Variants in NBAS observed in about 807,000 individuals in gnomAD.
NBAS encodes the protein NBAS subunit of NRZ tethering complex.
In NBAS, 219 loss-of-function variants were observed where a neutral mutation model predicts 302.5. That is an observed-to-expected ratio of 0.72 (90% CI 0.65 to 0.81). NBAS has a LOEUF of 0.81. Ranked by LOEUF, NBAS falls within the 30% of genes least tolerant of loss-of-function variation. The pLI, the probability that NBAS is intolerant of heterozygous loss-of-function variation, is 0.00. For synonymous variants in NBAS, 1,118 were observed against 1,021.6 expected (o/e 1.09, Z -1.80); for missense variants, 2,932 against 2,841.6 (o/e 1.03, Z -0.72).
chr2:15,001,817 G>A, the NBAS span, among the ~76,000 whole-genome samples: 2 of 151,988 alleles, frequency 1.3e-5, no homozygotes, highest in South Asian at 4.2e-4. Context: ...GCAGACCTTC[G>A]CGGTGAGTGT....
the NBAS span, among the ~76,000 whole-genome samples, chr2:15,071,141 C>A: frequency 6.6e-6 from 1 of 152,180 alleles, no homozygotes; most frequent in South Asian, 2.1e-4. Flanking sequence ...GCCTATGTTC[C>A]CAACCCAGGG....
the NBAS span, among the ~76,000 whole-genome samples, chr2:14,905,952 C>T: frequency 4.6e-5 from 7 of 152,344 alleles, no homozygotes; most frequent in Non-Finnish European, 7.3e-5. Context: ...CAGTCAGCTG[C>T]ATACACTGAT....
chr2:15,398,534 G>T (rs887823656), intron 26 of NBAS, among the ~76,000 whole-genome samples: 5 of 152,054 alleles, frequency 3.3e-5, no homozygotes, highest in Non-Finnish European at 5.9e-5. Flanking sequence ...TGACATTCAC[G>T]AACACAATGA....
chr2:15,353,142 C>T (rs1673447106), intron 34 of NBAS, among the ~76,000 whole-genome samples: 2 of 151,964 alleles, frequency 1.3e-5, no homozygotes, highest in South Asian at 4.1e-4. Context: ...AATTTAGCAT[C>T]CCCCCCAACC....
At chr2:15,125,138 G>C in the NBAS span, among the ~76,000 whole-genome samples, 3 of 152,212 alleles carry the variant, frequency 2.0e-5, no homozygotes, top group African/African-American at 7.2e-5. Flanking sequence ...CCACAGGATG[G>C]AGCCACCCAA....
the NBAS span, among the ~76,000 whole-genome samples, chr2:14,805,493 T>C: frequency 2.0e-5 from 3 of 152,188 alleles, no homozygotes; most frequent in Non-Finnish European, 4.4e-5. Flanking sequence ...GTTAGTGATA[T>C]GGCCTATCTT....
the NBAS span, among the ~76,000 whole-genome samples, chr2:14,929,905 GC>G: frequency 2.6e-5 from 4 of 152,114 alleles, no homozygotes; most frequent in Admixed American, 6.5e-5. Context: ...GATCATGGGG[GC>G]AGATTTCCCC....
intron 49 of NBAS, among the ~76,000 whole-genome samples, chr2:15,189,168 A>G (rs1665225557): frequency 6.6e-6 from 1 of 152,224 alleles, no homozygotes; most frequent in African/African-American, 2.4e-5. Context: ...TAGTGAAGGT[A>G]AAAACCTGTT....
chr2:15,523,930 T>TAAAC (rs368893692), intron 9 of NBAS, among the ~76,000 whole-genome samples: 74 of 151,984 alleles, frequency 4.9e-4, no homozygotes, highest in African/African-American at 1.7e-3. Context: ...AATAAATAAA[T>TAAAC]AAACAAACAA....
At chr2:15,374,923 C>G (rs1242783290) in intron 30 of NBAS, among the ~76,000 whole-genome samples, 2 of 152,114 alleles carry the variant, frequency 1.3e-5, no homozygotes, top group Admixed American at 6.5e-5. Flanking sequence ...TTTCAGGGAG[C>G]TAAAACTGAA....
the NBAS span, among the ~76,000 whole-genome samples, chr2:14,967,265 T>C: frequency 1.3e-5 from 2 of 152,078 alleles, no homozygotes; most frequent in South Asian, 4.1e-4. Flanking sequence ...ATCAAACTAC[T>C]AGCAGAATTT....
In NBAS at chr2:15,341,242, C is replaced by T. The variant is rs75790198; in HGVS notation, c.4180-10477G>A. Among the ~76,000 whole-genome samples the T allele has an allele frequency of 8.6e-3, 1,300 of 152,026 alleles. 20 individuals carry two copies. Among genetic ancestry groups the T allele is most frequent in the East Asian group, 0.059 (305 of 5,174 alleles). On this transcript the variant is annotated intron_variant, in intron 35 of 51. Coordinates refer to ENST00000281513, the MANE Select transcript of NBAS (RefSeq NM_015909.4). ...CTCTATTAAAAATATAAAAATTAAC[C>T]GGGTATGGTGGCACACACCTTTAAT... is the stretch of plus-strand genomic sequence containing the variant.
the NBAS span, among the ~76,000 whole-genome samples, chr2:14,921,993 G>T: frequency 6.6e-6 from 1 of 152,108 alleles, no homozygotes; most frequent in African/African-American, 2.4e-5. Flanking sequence ...TCTACCACAT[G>T]CCAGGAACCC....
the NBAS span, among the ~76,000 whole-genome samples, chr2:14,856,179 T>G: frequency 6.6e-6 from 1 of 152,144 alleles, no homozygotes; most frequent in African/African-American, 2.4e-5. Flanking sequence ...TTCTCCCAGA[T>G]CTTGTCCAAG....
chr2:15,417,465 T>A, intron 24 of NBAS, 62 bp downstream of exon 24: 1 of 1,373,986 alleles, frequency 7.3e-7, no homozygotes, highest in Non-Finnish European at 1.0e-6. Flanking sequence ...GAGACACATA[T>A]GTATCAAAGT....
the NBAS span, among the ~76,000 whole-genome samples, chr2:15,034,209 GGAAA>G: frequency 9.1e-3 from 142 of 15,582 alleles, 1 homozygote; most frequent in East Asian, 0.077. Context: ...GAGAAGGAAA[GGAAA>G]GAAAGAGAGG....
chr2:15,266,927 A>C (rs1187106682), intron 44 of NBAS, among the ~76,000 whole-genome samples: 3 of 152,184 alleles, frequency 2.0e-5, no homozygotes, highest in Non-Finnish European at 4.4e-5. Context: ...TCAATCTTTT[A>C]AAAAACTATT....
chr2:14,960,878 C>T, the NBAS span, among the ~76,000 whole-genome samples: 14 of 152,178 alleles, frequency 9.2e-5, no homozygotes, highest in Non-Finnish European at 1.6e-4. Flanking sequence ...TTGCCAAAAA[C>T]AGCATTTCCT....
At chr2:15,446,083 C>T (rs1276305109) in intron 21 of NBAS, among the ~76,000 whole-genome samples, 2 of 146,168 alleles carry the variant, frequency 1.4e-5, no homozygotes, top group African/African-American at 5.0e-5. Flanking sequence ...ATAGGAGTCC[C>T]AGAAAAAAAA....
Sources: allele counts gnomAD v4.1 joint callset (sites outside exome capture counted in the v4.1 genomes callset), GRCh38; gene constraint gnomAD v4.1.1; transcripts MANE v1.5; gene names NCBI Gene and HGNC (gene_info 2026-07-23, HGNC 2026-07-21).